The following HERC1 variants were observed in gnomAD, a reference collection of about 807,000 sequenced individuals.
The protein encoded by HERC1 is probable E3 ubiquitin-protein ligase HERC1.
HERC1 carries 160 observed loss-of-function variants against 554.3 expected under a neutral mutation model. The ratio of observed to expected loss-of-function variants is 0.29; its 90% CI spans 0.25 to 0.33. The LOEUF (loss-of-function observed/expected upper bound fraction) is 0.33, where lower values mean the gene tolerates loss of function less well. Among genes scored for constraint, HERC1 ranks in the 10% least tolerant of loss-of-function variants. HERC1 has a pLI of 1.00. For synonymous variants in HERC1, 2,175 were observed against 2,131.7 expected (o/e 1.02, Z -0.56); for missense variants, 4,919 against 5,918.5 (o/e 0.83, Z 5.54).
Position 63,756,655 on chromosome 15 carries a change from C to T in HERC1, c.1315G>A (p.Asp439Asn). Residue 439 changes from aspartate (D) to asparagine (N), a missense_variant, in exon 5 of 78, where the codon GAC becomes AAC. Transcript: ENST00000443617. This position sits in a 1 kb window ranked among gnomAD's most constrained non-coding sequence, Gnocchi z 5.0. ...TTTAAAGTTGACTGATTATTGGAGT[C>T]TCCAAGGCCCAGTCTCCCATAGCTG... ...KGSYGRLGLG[D>N]SNNQSTLKKL... The T allele has an allele frequency of 6.2e-7, 1 of 1,613,312 alleles. No individual in the cohort carries two copies. The highest frequency in any genetic ancestry group is 8.5e-7 in the Non-Finnish European group (1 of 1,179,506).
rs2072308742 is a variant in HERC1, at chr15:63,694,800, G to A, written c.5216C>T (p.Ala1739Val). Reference protein sequence around the residue: ...YQQLSATLERALQANKHHIEA... With the variant: ...YQQLSATLERVLQANKHHIEA... ...AATGTGATGCTTGTTTGCTTGCAGG[G>A]CTCTTTCCAGGGTAGCAGACAACTG... is the stretch of plus-strand genomic sequence containing the variant. Residue 1739 changes from alanine to valine, a missense_variant, in exon 28 of 78, where the codon GCC (alanine) becomes GTC (valine). Transcript: ENST00000443617. This position sits in a 1 kb window ranked among gnomAD's most constrained non-coding sequence, Gnocchi z 4.3. The A allele has an allele frequency of 1.2e-6, 2 of 1,613,744 alleles. No individual in the cohort carries two copies. The highest frequency in any genetic ancestry group is 1.1e-5 in the South Asian group (1 of 91,074).
intron 38 of HERC1, among the ~76,000 whole-genome samples, chr15:63,673,478 G>A (rs368432842): frequency 6.6e-5 from 10 of 152,276 alleles, no homozygotes; most frequent in South Asian, 4.1e-4. Flanking sequence ...CTCCATGAAG[G>A]CAAGGGACTT....
chr15:63,646,896 T>C (rs1218792032), intron 55 of HERC1, among the ~76,000 whole-genome samples: 4 of 151,702 alleles, frequency 2.6e-5, no homozygotes, highest in Admixed American at 2.0e-4. Flanking sequence ...CCAGAATATA[T>C]ACAAATAGCC....
At chr15:63,618,427 C>T (rs920139801) in intron 74 of HERC1, among the ~76,000 whole-genome samples, 9 of 151,934 alleles carry the variant, frequency 5.9e-5, no homozygotes, top group Non-Finnish European at 1.0e-4. Flanking sequence ...AGTTTGAAGT[C>T]AGGTAGTGTG....
intron 1 of HERC1, among the ~76,000 whole-genome samples, chr15:63,788,874 CAAAAAAAAA>C (rs1161447448): frequency 1.5e-5 from 1 of 67,374 alleles, no homozygotes; most frequent in Non-Finnish European, 3.2e-5. Context: ...GACTCCGTCT[CAAAAAAAAA>C]AAAAAAAAAA....
intron 74 of HERC1, among the ~76,000 whole-genome samples, chr15:63,618,356 G>A (rs1466835914): frequency 6.6e-6 from 1 of 151,986 alleles, no homozygotes; most frequent in Admixed American, 6.5e-5. Flanking sequence ...TGTTCCATTG[G>A]TCTATATCTC....
intron 1 of HERC1, among the ~76,000 whole-genome samples, chr15:63,832,317 A>G (rs139808862): frequency 6.6e-6 from 1 of 152,160 alleles, no homozygotes; most frequent in African/African-American, 2.4e-5. Context: ...ACATTTATGC[A>G]TAAGACAGGC....
At chr15:63,678,496 T>G in intron 36 of HERC1, 131 bp from the exon 37 acceptor site, 2 of 1,073,862 alleles carry the variant, frequency 1.9e-6, no homozygotes, top group Non-Finnish European at 2.6e-6. Flanking sequence ...TTATACCAAC[T>G]GGCCCCCAAA....
chr15:63,728,578 TG>T (rs2074132646), intron 16 of HERC1, among the ~76,000 whole-genome samples: 1 of 152,168 alleles, frequency 6.6e-6, no homozygotes, highest in South Asian at 2.1e-4. Context: ...GGTTGTCTTT[TG>T]GATAACCAAG....
At chr15:63,657,526 T>C (rs938490277) in intron 48 of HERC1, among the ~76,000 whole-genome samples, 40 of 152,196 alleles carry the variant, frequency 2.6e-4, no homozygotes, top group African/African-American at 9.4e-4. Flanking sequence ...TCTTTACACA[T>C]TCTGTTGGTT....
At chr15:63,722,311 T>C (rs964128054) in intron 19 of HERC1, among the ~76,000 whole-genome samples, 2 of 152,200 alleles carry the variant, frequency 1.3e-5, no homozygotes, top group Non-Finnish European at 2.9e-5. Flanking sequence ...GTTTTATAGA[T>C]GAATACTGAC....
chr15:63,764,141 A>G lies in HERC1; in HGVS notation c.981T>C (p.Asp327=), dbSNP rs776851035. ...SQWREPTRTS[D]GLCSLYEAAL... Reference sequence around the variant, plus strand: ...CTGCCTCGTAAAGGGAGCACAAGCCATCCGATGTTCTGGTTGGTTCTCTCC... The same window carrying G: ...CTGCCTCGTAAAGGGAGCACAAGCCGTCCGATGTTCTGGTTGGTTCTCTCC... The change falls in exon 3 of 78, where the codon GAT becomes GAC. Residue 327 remains aspartate (D), a synonymous_variant. Coordinates refer to ENST00000443617, the MANE Select transcript of HERC1 (RefSeq NM_003922.4). 9.9e-6 allele frequency: 16 copies of G among 1,611,478 alleles called. No homozygotes were observed. The highest frequency in any genetic ancestry group is 3.3e-4 in the Middle Eastern group (2 of 6,060).
At chr15:63,821,859 T>C (rs1015022473) in intron 1 of HERC1, among the ~76,000 whole-genome samples, 3 of 151,968 alleles carry the variant, frequency 2.0e-5, no homozygotes, top group Admixed American at 2.0e-4. Flanking sequence ...ATAAACAACA[T>C]ATCCAAGGTT....
intron 4 of HERC1, among the ~76,000 whole-genome samples, chr15:63,757,916 G>A (rs1278363618): frequency 6.6e-6 from 1 of 151,486 alleles, no homozygotes; most frequent in East Asian, 2.0e-4. Context: ...CACCATATTG[G>A]CCAGGCTGGT....
chr15:63,619,244 T>A (rs1048693906), intron 74 of HERC1, among the ~76,000 whole-genome samples: 5 of 152,234 alleles, frequency 3.3e-5, no homozygotes, highest in Admixed American at 2.0e-4. Flanking sequence ...TCTGCACCTA[T>A]TGAGATAATC....
chr15:63,822,384 G>A (rs1274107880), intron 1 of HERC1, among the ~76,000 whole-genome samples: 3 of 152,182 alleles, frequency 2.0e-5, no homozygotes, highest in African/African-American at 7.2e-5. Flanking sequence ...CCAGGAGTTC[G>A]AGACCAGCCT....
chr15:63,724,908 A>G (rs2073977588), intron 18 of HERC1, among the ~76,000 whole-genome samples: 1 of 152,214 alleles, frequency 6.6e-6, no homozygotes, highest in African/African-American at 2.4e-5. Context: ...GCTGCCACTC[A>G]CATCTCAGGG....
intron 51 of HERC1, 85 bp downstream of exon 51, chr15:63,654,034 C>G (rs2069864380): frequency 5.9e-6 from 6 of 1,013,512 alleles, no homozygotes; most frequent in Non-Finnish European, 9.1e-6. Context: ...AAGAGAGAGA[C>G]CTAAACTTTG....
At chr15:63,789,759 C>T (rs915450333) in intron 1 of HERC1, among the ~76,000 whole-genome samples, 18 of 151,462 alleles carry the variant, frequency 1.2e-4, no homozygotes, top group Non-Finnish European at 2.5e-4. Context: ...GATGATGCCA[C>T]CCAGGTCTCT....
Sources: gnomAD v4.1 joint callset for allele counts (sites outside exome capture counted in the v4.1 genomes callset) on GRCh38, gnomAD v4.1.1 for gene constraint, Gnocchi (gnomAD v3.1) non-coding constraint, MANE v1.5 for transcripts, NCBI Gene and HGNC (gene_info 2026-07-23, HGNC 2026-07-21) for gene names.